Variants in ADSS2 observed in about 807,000 individuals in gnomAD.
The protein encoded by ADSS2 is adenylosuccinate synthetase isozyme 2.
Under a neutral mutation model 60.0 loss-of-function variants are expected in ADSS2, and 30 were observed. The ratio of observed to expected loss-of-function variants is 0.50; its 90% CI spans 0.37 to 0.68. The LOEUF is 0.68. Ranked by LOEUF, ADSS2 falls within the 30% of genes least tolerant of loss-of-function variation. The pLI, the probability that ADSS2 is intolerant of heterozygous loss-of-function variation, is 0.00. For synonymous variants in ADSS2, 187 were observed against 193.1 expected (o/e 0.97, Z 0.26); for missense variants, 373 against 554.8 (o/e 0.67, Z 3.29).
At chr1:244,417,867 A>G in intron 9 of ADSS2, 115 bp from the exon 10 acceptor site, 1 of 970,586 alleles carries the variant, frequency 1.0e-6, no homozygotes, top group Non-Finnish European at 1.5e-6. Context: ...CTTTCAGGTA[A>G]TAACTAAATT....
chr1:244,435,194 A>AAAAAAAAAAACAAAC (rs1553308065), intron 3 of ADSS2, among the ~76,000 whole-genome samples: 4 of 127,908 alleles, frequency 3.1e-5, no homozygotes, highest in African/African-American at 1.3e-4. Context: ...AAAAAAAAAA[A>AAAAAAAAAAACAAAC]AAACAAACCT....
chr1:244,415,778 G>A (rs1423859944), intron 11 of ADSS2, among the ~76,000 whole-genome samples: 5 of 149,564 alleles, frequency 3.3e-5, no homozygotes. Context: ...TTGAGTTTGA[G>A]CACATGCTTG....
At chr1:244,442,565 T>C (rs1489834905) in intron 1 of ADSS2, among the ~76,000 whole-genome samples, 2 of 152,116 alleles carry the variant, frequency 1.3e-5, no homozygotes, top group Admixed American at 6.6e-5. Flanking sequence ...ACGTGGGATT[T>C]AGGGGGAAAT....
intron 2 of ADSS2, 135 bp downstream of exon 2, chr1:244,437,531 A>T: frequency 1.5e-6 from 1 of 667,946 alleles, no homozygotes; most frequent in Non-Finnish European, 2.6e-6. Context: ...TCCAGAAGGT[A>T]TCAAGGTCAA....
intron 1 of ADSS2, among the ~76,000 whole-genome samples, chr1:244,447,548 A>G (rs1162175293): frequency 6.6e-6 from 1 of 152,210 alleles, no homozygotes; most frequent in Non-Finnish European, 1.5e-5. Context: ...GGGAATAACT[A>G]GTTACTAGAA....
chr1:244,437,182 T>C (rs1051071352), intron 2 of ADSS2, among the ~76,000 whole-genome samples: 1 of 152,172 alleles, frequency 6.6e-6, no homozygotes, highest in Non-Finnish European at 1.5e-5. Flanking sequence ...TAAATCAGTA[T>C]CTTTCAAGTT....
In ADSS2 at chr1:244,426,654, GC is replaced by G. The variant is rs766596758; in HGVS notation, c.407-2268del. Reference sequence around the variant, plus strand: ...ATTAATATGATTAATGTTATACTATGCTTGGTGTGAGACTTGGTACATGTAA... The same window carrying G: ...ATTAATATGATTAATGTTATACTATGTTGGTGTGAGACTTGGTACATGTAA... On this transcript the variant is annotated intron_variant, in intron 4 of 12. Coordinates refer to ENST00000366535, the MANE Select transcript of ADSS2 (RefSeq NM_001126.5). Among the ~76,000 whole-genome samples the G allele has an allele frequency of 7.2e-5, 11 of 152,142 alleles. No individual in the cohort carries two copies. In the East Asian group the frequency reaches 7.7e-4, roughly 11 times the overall value.
At chr1:244,440,433 T>TA (rs1280669425) in intron 1 of ADSS2, among the ~76,000 whole-genome samples, 7 of 152,044 alleles carry the variant, frequency 4.6e-5, no homozygotes, top group Non-Finnish European at 7.4e-5. Context: ...GCATATATTT[T>TA]AAAAAACAAC....
chr1:244,435,450 A>G (rs1282448734), intron 3 of ADSS2, among the ~76,000 whole-genome samples: 1 of 152,136 alleles, frequency 6.6e-6, no homozygotes, highest in Non-Finnish European at 1.5e-5. Flanking sequence ...CACCTTACAT[A>G]TCAATTGAGG....
chr1:244,416,453 G>A (rs1664535723), intron 10 of ADSS2, among the ~76,000 whole-genome samples: 1 of 152,116 alleles, frequency 6.6e-6, no homozygotes, highest in South Asian at 2.1e-4. Context: ...GAGTACCTGG[G>A]ACTACAGGCG....
At chr1:244,434,820 G>C (rs1186138447) in intron 3 of ADSS2, among the ~76,000 whole-genome samples, 13 of 152,074 alleles carry the variant, frequency 8.5e-5, no homozygotes, top group Admixed American at 8.5e-4. Flanking sequence ...AGAGATGGTA[G>C]CAAAGACAGG....
intron 7 of ADSS2, among the ~76,000 whole-genome samples, chr1:244,422,536 TTTCTG>T: frequency 6.6e-6 from 1 of 152,336 alleles, no homozygotes; most frequent in East Asian, 1.9e-4. Context: ...TCTAGTCTCC[TTTCTG>T]TTCAAAATTT....
chr1:244,422,713 T>TTTTTTGA, intron 7 of ADSS2, 122 bp downstream of exon 7: 1 of 692,868 alleles, frequency 1.4e-6, no homozygotes, highest in Non-Finnish European at 2.5e-6. Flanking sequence ...AAACATACCA[T>TTTTTTGA]GTCCAAGACA....
intron 12 of ADSS2, among the ~76,000 whole-genome samples, chr1:244,410,876 A>G (rs956186904): frequency 6.6e-6 from 1 of 152,218 alleles, no homozygotes; most frequent in East Asian, 1.9e-4. Context: ...TGCACTCTGT[A>G]AAGTAACAAT....
chr1:244,413,084 C>A (rs1053758962), intron 11 of ADSS2, among the ~76,000 whole-genome samples: 3 of 152,110 alleles, frequency 2.0e-5, no homozygotes, highest in African/African-American at 4.8e-5. Flanking sequence ...ACAACATTTG[C>A]CAGTAGGTAC....
intron 4 of ADSS2, among the ~76,000 whole-genome samples, chr1:244,430,816 G>A (rs889018355): frequency 1.3e-4 from 20 of 152,144 alleles, no homozygotes; most frequent in Non-Finnish European, 8.8e-5. Context: ...CTAGGAGACT[G>A]CCAGTAAGAA....
intron 4 of ADSS2, among the ~76,000 whole-genome samples, chr1:244,427,189 T>G (rs538233860): frequency 3.4e-4 from 52 of 152,256 alleles, no homozygotes; most frequent in African/African-American, 1.2e-3. Context: ...ATTAGTATAC[T>G]AATGTAAAGA....
chr1:244,412,262 C>T (rs575582485), intron 11 of ADSS2, among the ~76,000 whole-genome samples: 1 of 152,340 alleles, frequency 6.6e-6, no homozygotes, highest in South Asian at 2.1e-4. Context: ...TCTGCCTAAT[C>T]CTGCTTCTCC....
intron 8 of ADSS2, 126 bp downstream of exon 8, chr1:244,420,044 A>T: frequency 1.0e-6 from 1 of 991,414 alleles, no homozygotes; most frequent in East Asian, 2.5e-5. Context: ...GACAAATTTC[A>T]TCATTCCTGA....
Sources: gnomAD v4.1 joint callset for allele counts (sites outside exome capture counted in the v4.1 genomes callset) on GRCh38, gnomAD v4.1.1 for gene constraint, MANE v1.5 for transcripts, NCBI Gene and HGNC (gene_info 2026-07-23, HGNC 2026-07-21) for gene names.